Variants in EDIL3 observed in about 807,000 individuals in gnomAD.
EDIL3 encodes EGF like and discoidin domains 3, also known as EGF-like repeat and discoidin I-like domain-containing protein 3.
Under a neutral mutation model 67.4 loss-of-function variants are expected in EDIL3, and 37 were observed. The observed-to-expected ratio is 0.55, with a 90% CI of 0.42 to 0.72. The LOEUF is 0.72. EDIL3 is among the 30% of genes least tolerant of loss of function. The probability of loss-of-function intolerance (pLI) is 0.00; values close to 1 mark genes in which losing one functional copy is unlikely to be tolerated. For missense variants in EDIL3, 527 were observed against 586.3 expected (o/e 0.90, Z 1.04); for synonymous variants, 195 against 196.3 (o/e 0.99, Z 0.05).
intron 1 of EDIL3, among the ~76,000 whole-genome samples, chr5:84,381,383 G>A (rs1463923489): frequency 6.6e-6 from 1 of 151,994 alleles, no homozygotes; most frequent in Non-Finnish European, 1.5e-5. Flanking sequence ...CCTTGACTCT[G>A]AAGTTAGCAT....
chr5:84,326,856 G>C (rs1021880906), intron 1 of EDIL3, among the ~76,000 whole-genome samples: 3 of 151,338 alleles, frequency 2.0e-5, no homozygotes, highest in African/African-American at 7.3e-5. Flanking sequence ...ATGTTGAATT[G>C]TATTTATCTT....
intron 5 of EDIL3, among the ~76,000 whole-genome samples, chr5:84,120,100 TAAAG>T (rs746679311): frequency 1.3e-5 from 2 of 151,926 alleles, no homozygotes; most frequent in African/African-American, 4.8e-5. Context: ...AAGTGTCACA[TAAAG>T]AAAGTAAAAT....
At chr5:84,195,627 G>A (rs1001245585) in intron 3 of EDIL3, among the ~76,000 whole-genome samples, 5 of 152,108 alleles carry the variant, frequency 3.3e-5, no homozygotes, top group Middle Eastern at 3.4e-3. Context: ...AAGACATTCT[G>A]ATAGTTTCTA....
At chr5:83,945,009 A>G (rs1744287687) in intron 10 of EDIL3, among the ~76,000 whole-genome samples, 2 of 151,982 alleles carry the variant, frequency 1.3e-5, no homozygotes, top group Admixed American at 1.3e-4. Context: ...TTATACGGCC[A>G]CAAATGTTCT....
intron 10 of EDIL3, among the ~76,000 whole-genome samples, chr5:83,952,652 A>G (rs1401460151): frequency 6.6e-6 from 1 of 151,788 alleles, no homozygotes; most frequent in East Asian, 1.9e-4. Flanking sequence ...TTGCCTCTCT[A>G]TTGAAGCTCA....
At chr5:84,304,932 G>C (rs1469059453) in intron 1 of EDIL3, among the ~76,000 whole-genome samples, 1 of 152,178 alleles carries the variant, frequency 6.6e-6, no homozygotes, top group African/African-American at 2.4e-5. Context: ...AAATAAGTAA[G>C]TAGAATCTTC....
In EDIL3 at chr5:84,351,423, T is replaced by G. The variant is rs114516855; in HGVS notation, c.67+32885A>C. Among the ~76,000 whole-genome samples, 1,137 of 152,248 alleles carry G rather than the reference T, an allele frequency of 7.5e-3. 9 individuals are homozygous for G. Among genetic ancestry groups the G allele is most frequent in the African/African-American group, 0.025 (1,055 of 41,560 alleles). On this transcript the variant is annotated intron_variant, in intron 1 of 10. Coordinates refer to ENST00000296591, the MANE Select transcript of EDIL3 (RefSeq NM_005711.5). ...AACCCAAGCTGCCTGTTTTCATCTA[T>G]GTAGGAAATACATAGTCCAAGCAAA... is the stretch of plus-strand genomic sequence containing the variant.
chr5:84,049,679 C>T (rs1477157788), intron 9 of EDIL3, among the ~76,000 whole-genome samples: 1 of 152,022 alleles, frequency 6.6e-6, no homozygotes, highest in Non-Finnish European at 1.5e-5. Flanking sequence ...AAAATTTGAC[C>T]TTTGGGAGGC....
At chr5:84,219,054 C>T (rs1184983964) in intron 3 of EDIL3, among the ~76,000 whole-genome samples, 3 of 152,180 alleles carry the variant, frequency 2.0e-5, no homozygotes, top group African/African-American at 7.2e-5. Flanking sequence ...GAGTGAGATC[C>T]AGTGCTGTGC....
intron 9 of EDIL3, among the ~76,000 whole-genome samples, chr5:83,998,815 C>T (rs1411870944): frequency 1.3e-5 from 2 of 152,160 alleles, no homozygotes; most frequent in African/African-American, 4.8e-5. Flanking sequence ...TTGCTACAGG[C>T]CTTCGGCAAG....
intron 1 of EDIL3, among the ~76,000 whole-genome samples, chr5:84,327,628 T>C (rs532522461): frequency 6.6e-6 from 1 of 152,162 alleles, no homozygotes; most frequent in Admixed American, 6.6e-5. Flanking sequence ...GTGAGAACAA[T>C]TAAAGTTGTG....
intron 9 of EDIL3, among the ~76,000 whole-genome samples, chr5:84,035,215 C>G (rs1272728999): frequency 2.6e-5 from 4 of 151,920 alleles, no homozygotes; most frequent in Non-Finnish European, 4.4e-5. Context: ...GCAACTTTAG[C>G]GGTACCAGGG....
At chr5:84,136,222 G>A (rs1748089372) in intron 5 of EDIL3, among the ~76,000 whole-genome samples, 1 of 152,128 alleles carries the variant, frequency 6.6e-6, no homozygotes, top group African/African-American at 2.4e-5. Context: ...AGCTGTGAAA[G>A]CTTGGGCAAA....
intron 5 of EDIL3, among the ~76,000 whole-genome samples, chr5:84,122,784 CGTT>C (rs1421630032): frequency 6.6e-6 from 1 of 151,858 alleles, no homozygotes; most frequent in Non-Finnish European, 1.5e-5. Flanking sequence ...TCTCCGTCAC[CGTT>C]GTTCTGCCGT....
rs1201535192 is a variant in EDIL3 at position 84,054,899 on chromosome 5, G to C, written c.1137+5401C>G. Among the ~76,000 whole-genome samples, 7 of 145,550 alleles carry C rather than the reference G, an allele frequency of 4.8e-5. 2 individuals carry two copies. The highest frequency in any genetic ancestry group is 1.9e-4 in the African/African-American group (7 of 36,744). ...GCCATACTGCCCAAGGTAATTTATA[G>C]ATTCAATGCCATCCCCATCAAGCTA... On this transcript the variant is annotated intron_variant, in intron 9 of 10. Transcript: ENST00000296591.
intron 1 of EDIL3, among the ~76,000 whole-genome samples, chr5:84,326,972 C>A (rs1746772777): frequency 6.6e-6 from 1 of 151,722 alleles, no homozygotes; most frequent in African/African-American, 2.4e-5. Context: ...TTTTCCCTAG[C>A]TCTTTGAGAA....
intron 10 of EDIL3, among the ~76,000 whole-genome samples, chr5:83,954,394 T>C (rs1744475533): frequency 6.6e-6 from 1 of 151,788 alleles, no homozygotes; most frequent in Non-Finnish European, 1.5e-5. Flanking sequence ...ATCCCTCTTG[T>C]ATGGCTTGGT....
In EDIL3 at chr5:84,305,655, G is replaced by A. The variant is rs151167963; in HGVS notation, c.68-51443C>T. Among the ~76,000 whole-genome samples, 206 of 152,248 alleles carry A rather than the reference G, an allele frequency of 1.4e-3. 1 individual carries two copies. The highest frequency in any genetic ancestry group is 3.4e-3 in the Middle Eastern group (1 of 294). On this transcript the variant is annotated intron_variant, in intron 1 of 10. Transcript: ENST00000296591. ...GGCATTTTGGGAGGCCAAGACGCGC[G>A]GCTCACAAGATCAGGAGACGGAAAC...
intron 5 of EDIL3, among the ~76,000 whole-genome samples, chr5:84,109,912 C>G (rs1391816825): frequency 1.3e-5 from 2 of 152,130 alleles, no homozygotes; most frequent in Non-Finnish European, 2.9e-5. Flanking sequence ...CTTAACTTAT[C>G]AGTTGTGAAG....
Sources: allele counts gnomAD v4.1 joint callset (sites outside exome capture counted in the v4.1 genomes callset), GRCh38; gene constraint gnomAD v4.1.1; transcripts MANE v1.5; gene names NCBI Gene and HGNC (gene_info 2026-07-23, HGNC 2026-07-21).